The following DCLK1 variants were observed in gnomAD, a reference collection of about 807,000 sequenced individuals.
DCLK1 encodes serine/threonine-protein kinase DCLK1.
A neutral mutation model predicts 86.2 loss-of-function variants in DCLK1; 16 were observed. The ratio of observed to expected loss-of-function variants is 0.19; its 90% CI spans 0.13 to 0.28. The LOEUF is 0.28. DCLK1 is among the 10% of genes least tolerant of loss of function. DCLK1 has a pLI of 1.00. For missense variants in DCLK1, 590 were observed against 940.2 expected (o/e 0.63, Z 4.87); for synonymous variants, 369 against 370.5 (o/e 1.00, Z 0.05).
At chr13:36,108,941 G>A (rs1004276022) in intron 3 of DCLK1, among the ~76,000 whole-genome samples, 2 of 152,194 alleles carry the variant, frequency 1.3e-5, no homozygotes, top group African/African-American at 4.8e-5. Flanking sequence ...CCACAGGACA[G>A]CGTGGAGGAA....
chr13:36,014,948 C>G (rs973455840), intron 3 of DCLK1, among the ~76,000 whole-genome samples: 1 of 151,832 alleles, frequency 6.6e-6, no homozygotes, highest in Non-Finnish European at 1.5e-5. Flanking sequence ...CATCCTTTTC[C>G]CCTACCATGT....
At chr13:35,867,524 A>G (rs1374177807) in intron 5 of DCLK1, among the ~76,000 whole-genome samples, 4 of 152,158 alleles carry the variant, frequency 2.6e-5, no homozygotes, top group Non-Finnish European at 5.9e-5. Context: ...TAGAATGTGG[A>G]AATGCTTGTT....
chr13:35,794,880 C>G (rs1360504128), intron 15 of DCLK1, among the ~76,000 whole-genome samples: 2 of 152,232 alleles, frequency 1.3e-5, no homozygotes, highest in African/African-American at 4.8e-5. Context: ...GGGGAGGGAA[C>G]AGAAGCAGGG....
rs1039840834 is a variant in DCLK1 at position 35,770,175 on chromosome 13, T to C, written c.*4360A>G. 6 of 152,228 alleles carry C rather than the reference T, an allele frequency of 3.9e-5. No homozygotes were observed. The highest frequency in any genetic ancestry group is 1.4e-4 in the African/African-American group (6 of 41,466). The allele number at this position is 152,228 out of a possible 1,614,324, so 9.4% of individuals were successfully genotyped here. A position where few individuals can be genotyped will look rare whatever the true frequency, so the allele number is the denominator to read the frequency against. ...TGTGTAATTACATACAAACTAAAGA[T>C]TCCTTCTGACGTCCTAGGAACCCCA... On this transcript the variant is annotated 3_prime_UTR_variant, in exon 17 of 17. Transcript: ENST00000360631.
At chr13:35,914,130 C>A (rs1875220826) in intron 4 of DCLK1, among the ~76,000 whole-genome samples, 1 of 151,522 alleles carries the variant, frequency 6.6e-6, no homozygotes, top group South Asian at 2.1e-4. Flanking sequence ...CCACCCTGGG[C>A]AACATAGTGA....
At chr13:35,782,690 T>C (rs2086549491) in intron 16 of DCLK1, among the ~76,000 whole-genome samples, 1 of 152,258 alleles carries the variant, frequency 6.6e-6, no homozygotes, top group African/African-American at 2.4e-5. Context: ...ATCATTTATT[T>C]GTTAACTTAA....
chr13:35,995,115 TG>T (rs555648715), intron 3 of DCLK1, among the ~76,000 whole-genome samples: 118 of 152,348 alleles, frequency 7.7e-4, no homozygotes, highest in Non-Finnish European at 1.5e-3. Flanking sequence ...AGCTTTGTAG[TG>T]GTGGAGTTTC....
At chr13:36,092,007 T>C (rs967888363) in intron 3 of DCLK1, among the ~76,000 whole-genome samples, 3 of 152,218 alleles carry the variant, frequency 2.0e-5, no homozygotes, top group Admixed American at 2.0e-4. Flanking sequence ...TCATCTTTTC[T>C]ACTTGCCAAT....
intron 3 of DCLK1, among the ~76,000 whole-genome samples, chr13:36,001,790 G>C (rs1880734295): frequency 6.6e-6 from 1 of 151,602 alleles, no homozygotes; most frequent in South Asian, 2.1e-4. Flanking sequence ...TTTTTTCTTG[G>C]AAGATGAAAG....
chr13:35,935,774 G>A (rs1876720989), intron 4 of DCLK1, among the ~76,000 whole-genome samples: 1 of 152,176 alleles, frequency 6.6e-6, no homozygotes, highest in South Asian at 2.1e-4. Context: ...AGACAAACTT[G>A]GATTTGACCT....
chr13:35,972,414 A>G (rs1879113247), intron 3 of DCLK1, among the ~76,000 whole-genome samples: 1 of 152,142 alleles, frequency 6.6e-6, no homozygotes, highest in Non-Finnish European at 1.5e-5. Context: ...TGTGTAGAGA[A>G]AGAGACATAC....
chr13:35,933,409 C>T (rs1464024667), intron 4 of DCLK1, among the ~76,000 whole-genome samples: 2 of 152,190 alleles, frequency 1.3e-5, no homozygotes, highest in Non-Finnish European at 2.9e-5. Flanking sequence ...GGCTCTGACC[C>T]CACATTTCCC....
chr13:35,978,275 G>T (rs1175003856), intron 3 of DCLK1, among the ~76,000 whole-genome samples: 1 of 139,024 alleles, frequency 7.2e-6, no homozygotes, highest in Non-Finnish European at 1.5e-5. Context: ...GTACGATCTC[G>T]GCTCATTGCA....
At chr13:35,788,661 C>T (rs1316473211) in intron 16 of DCLK1, among the ~76,000 whole-genome samples, 1 of 152,116 alleles carries the variant, frequency 6.6e-6, no homozygotes. Context: ...GCAGATTGGA[C>T]CCCATAGAGT....
intron 4 of DCLK1, among the ~76,000 whole-genome samples, chr13:35,910,436 T>TA (rs1334530379): frequency 6.6e-6 from 1 of 152,238 alleles, no homozygotes; most frequent in Non-Finnish European, 1.5e-5. Flanking sequence ...GAAAAGGAAC[T>TA]ATGGATTTTG....
At chr13:35,997,757 G>T (rs1411741538) in intron 3 of DCLK1, among the ~76,000 whole-genome samples, 5 of 152,140 alleles carry the variant, frequency 3.3e-5, no homozygotes, top group African/African-American at 1.2e-4. Flanking sequence ...AAACAGCAAA[G>T]TATGCTTCTC....
chr13:35,788,005 A>C (rs1298377165), intron 16 of DCLK1: 3 of 575,144 alleles, frequency 5.2e-6, no homozygotes, highest in South Asian at 2.0e-5. Flanking sequence ...ATGGAAAGAA[A>C]GCTGGCAAAT....
At chr13:35,919,985 T>C (rs1414382564) in intron 4 of DCLK1, among the ~76,000 whole-genome samples, 1 of 151,880 alleles carries the variant, frequency 6.6e-6, no homozygotes, top group Non-Finnish European at 1.5e-5. Flanking sequence ...AATAAATACA[T>C]TAATCAGTAG....
At chr13:36,038,084 T>A (rs1394811632) in intron 3 of DCLK1, among the ~76,000 whole-genome samples, 1 of 152,166 alleles carries the variant, frequency 6.6e-6, no homozygotes, top group African/African-American at 2.4e-5. Flanking sequence ...CAGTAATTTA[T>A]TGAATCCAAG....
Sources: gnomAD v4.1 joint callset for allele counts (sites outside exome capture counted in the v4.1 genomes callset) on GRCh38, gnomAD v4.1.1 for gene constraint, MANE v1.5 for transcripts, NCBI Gene and HGNC (gene_info 2026-07-23, HGNC 2026-07-21) for gene names.